Variants in ANK1 observed in about 807,000 individuals in gnomAD.
ANK1 encodes ankyrin-1.
Under a neutral mutation model 210.4 loss-of-function variants are expected in ANK1, and 51 were observed. The ratio of observed to expected loss-of-function variants is 0.24; its 90% CI spans 0.19 to 0.31. The LOEUF is 0.31. ANK1 is among the 10% of genes least tolerant of loss of function. The pLI, the probability that ANK1 is intolerant of heterozygous loss-of-function variation, is 1.00. For missense variants in ANK1, 2,051 were observed against 2,504.4 expected, an observed-to-expected ratio of 0.82 and a Z score of 3.86; for synonymous variants, 967 against 1,025.9, an observed-to-expected ratio of 0.94 and a Z score of 1.10.
At chr8:41,744,691 C>G (rs117744485) in intron 2 of ANK1, among the ~76,000 whole-genome samples, 5 of 152,126 alleles carry the variant, frequency 3.3e-5, no homozygotes, top group African/African-American at 9.7e-5. Flanking sequence ...CCCGCCACCA[C>G]GCCCAGCTAA....
chr8:41,777,442 GC>G (rs1241233189), intron 1 of ANK1, among the ~76,000 whole-genome samples: 1 of 152,110 alleles, frequency 6.6e-6, no homozygotes, highest in Non-Finnish European at 1.5e-5. Flanking sequence ...AGGCGTGGTG[GC>G]GTGCACCTAT....
At chr8:41,794,697 TTTTG>T (rs1034816130) in intron 1 of ANK1, among the ~76,000 whole-genome samples, 9 of 152,130 alleles carry the variant, frequency 5.9e-5, no homozygotes, top group East Asian at 3.9e-4. Flanking sequence ...TGTTAAAGGT[TTTTG>T]TTTGTTTGTT....
chr8:41,741,837 C>T (rs1488376097), intron 2 of ANK1, among the ~76,000 whole-genome samples: 3 of 152,318 alleles, frequency 2.0e-5, no homozygotes, highest in East Asian at 3.9e-4. Flanking sequence ...CCTACATACT[C>T]CCTGTACTGA....
chr8:41,723,592 G>A lies in ANK1; in HGVS notation c.753C>T (p.Asn251=), dbSNP rs370318778. ...TPLHIASRRG[N]VIMVRLLLDR... ...CCAGCAGCAGCCGCACCATGATCACGTTGCCCCTGCGGGAGGCGATGTGCA... is the reference window on the plus strand; with the variant it reads ...CCAGCAGCAGCCGCACCATGATCACATTGCCCCTGCGGGAGGCGATGTGCA... Residue 251 remains asparagine, a synonymous_variant, in exon 8 of 43, where the codon AAC becomes AAT. Transcript: ENST00000289734. 2.2e-5 allele frequency: 35 copies of A among 1,613,710 alleles called. No individual in the cohort carries two copies. Among genetic ancestry groups the A allele is most frequent in the South Asian group, 1.5e-4 (14 of 91,070 alleles).
At chr8:41,775,388 G>A (rs1843801471) in intron 1 of ANK1, among the ~76,000 whole-genome samples, 1 of 152,192 alleles carries the variant, frequency 6.6e-6, no homozygotes, top group South Asian at 2.1e-4. Context: ...CTGAAATTTG[G>A]GGTCTGTGCC....
At chr8:41,701,079 A>C (rs2150605118) in intron 22 of ANK1, among the ~76,000 whole-genome samples, 1 of 152,326 alleles carries the variant, frequency 6.6e-6, no homozygotes, top group African/African-American at 2.4e-5. Context: ...AGACTATAGT[A>C]ATTTCATAAT....
chr8:41,890,718 A>G (rs1311679670), intron 1 of ANK1, among the ~76,000 whole-genome samples: 1 of 151,760 alleles, frequency 6.6e-6, no homozygotes, highest in East Asian at 1.9e-4. Context: ...CAAAAAAAAA[A>G]AAAAAAAGAA....
intron 1 of ANK1, among the ~76,000 whole-genome samples, chr8:41,888,365 T>C (rs915572409): frequency 1.1e-4 from 16 of 152,224 alleles, no homozygotes; most frequent in Non-Finnish European, 2.4e-4. Flanking sequence ...GCAAATGTGA[T>C]ACCGCACATT....
At chr8:41,896,218 C>T (rs568915847) in intron 1 of ANK1, 1 of 1,267,308 alleles carries the variant, frequency 7.9e-7, no homozygotes, top group African/African-American at 1.6e-5. Context: ...GCCCACCGAG[C>T]CTTCCCCGCT....
At chr8:41,832,229 AT>A (rs1806804485) in intron 1 of ANK1, among the ~76,000 whole-genome samples, 1 of 152,176 alleles carries the variant, frequency 6.6e-6, no homozygotes, top group African/African-American at 2.4e-5. Flanking sequence ...GCAAGACATT[AT>A]GGCTCCCCAC....
intron 39 of ANK1, 42 bp downstream of exon 39, chr8:41,668,225 C>T: frequency 1.2e-6 from 2 of 1,613,408 alleles, no homozygotes; most frequent in African/African-American, 2.7e-5. Context: ...CCTTCCGATG[C>T]TGGGAAGGAA....
chr8:41,855,003 A>G (rs1811937828), intron 1 of ANK1, among the ~76,000 whole-genome samples: 1 of 152,030 alleles, frequency 6.6e-6, no homozygotes, highest in South Asian at 2.1e-4. Context: ...TAGACCTATG[A>G]CTCAGAATCT....
At chr8:41,837,419 C>T (rs1807976679) in intron 1 of ANK1, among the ~76,000 whole-genome samples, 1 of 152,214 alleles carries the variant, frequency 6.6e-6, no homozygotes, top group Non-Finnish European at 1.5e-5. Context: ...AACACACTGA[C>T]ACATGGGCTT....
intron 22 of ANK1, chr8:41,700,372 C>T: frequency 6.4e-7 from 1 of 1,554,324 alleles, no homozygotes; most frequent in Non-Finnish European, 8.9e-7. Flanking sequence ...ATCAGGGTTG[C>T]TTAGGGTGAA....
chr8:41,851,758 G>A (rs1587421444), intron 1 of ANK1, among the ~76,000 whole-genome samples: 1 of 152,212 alleles, frequency 6.6e-6, no homozygotes, highest in African/African-American at 2.4e-5. Flanking sequence ...TCAGGAGGCT[G>A]AGGTGGGAGG....
chr8:41,688,620 T>G, intron 33 of ANK1, 31 bp from the exon 34 acceptor site: 1 of 1,597,566 alleles, frequency 6.3e-7, no homozygotes, highest in East Asian at 2.2e-5. Flanking sequence ...CTTTGGGTTT[T>G]GGACTCTCCC....
chr8:41,655,546 A>G lies in ANK1; in HGVS notation c.*244T>C. ...TCCTGGTTCCGACAGATCAGCTGTC[A>G]TTGCAAGAGGCAGGATTGAAGCCTG... On this transcript the variant is annotated 3_prime_UTR_variant, in exon 43 of 43. Transcript: ENST00000289734. 1.5e-6 allele frequency: 1 copy of G among 687,098 alleles called. No individual in the cohort carries two copies. Among genetic ancestry groups the G allele is most frequent in the Admixed American group, 2.5e-5 (1 of 40,502 alleles). 42.6% of individuals were successfully genotyped at this position (687,098 alleles called of 1,614,324 possible). A position where few individuals can be genotyped will look rare whatever the true frequency, so the allele number is the denominator to read the frequency against.
intron 38 of ANK1, among the ~76,000 whole-genome samples, chr8:41,671,413 G>T (rs1812242379): frequency 6.6e-6 from 1 of 152,132 alleles, no homozygotes; most frequent in African/African-American, 2.4e-5. Context: ...CACGCAAGGG[G>T]AGAGGAGCTC....
chr8:41,712,273 G>T (rs1826359301), intron 16 of ANK1, among the ~76,000 whole-genome samples: 1 of 152,204 alleles, frequency 6.6e-6, no homozygotes, highest in Non-Finnish European at 1.5e-5. Flanking sequence ...TGAGCAATCT[G>T]CAGTGTGTTC....
Sources: gnomAD v4.1 joint callset for allele counts (sites outside exome capture counted in the v4.1 genomes callset) on GRCh38, gnomAD v4.1.1 for gene constraint, MANE v1.5 for transcripts, NCBI Gene and HGNC (gene_info 2026-07-23, HGNC 2026-07-21) for gene names.